Variants in CCSER1 observed in about 807,000 individuals in gnomAD.
The protein encoded by CCSER1 is coiled-coil serine rich protein 1.
CCSER1 carries 41 observed loss-of-function variants against 82.0 expected under a neutral mutation model. The ratio of observed to expected loss-of-function variants is 0.50; its 90% confidence interval spans 0.39 to 0.65. CCSER1 has a LOEUF of 0.65. Among genes scored for constraint, CCSER1 ranks in the 30% least tolerant of loss-of-function variants. The pLI, the probability that CCSER1 is intolerant of heterozygous loss-of-function variation, is 0.00. For synonymous variants in CCSER1, 414 were observed against 383.9 expected, an observed-to-expected ratio of 1.08 and a Z score of -0.92; for missense variants, 1,119 against 1,064.2, an observed-to-expected ratio of 1.05 and a Z score of -0.72.
At chr4:90,725,953 A>G (rs1743559793) in intron 7 of CCSER1, among the ~76,000 whole-genome samples, 1 of 151,954 alleles carries the variant, frequency 6.6e-6, no homozygotes, top group Non-Finnish European at 1.5e-5. Flanking sequence ...ATGATATTTC[A>G]TGTTAGTATT....
intron 4 of CCSER1, among the ~76,000 whole-genome samples, chr4:90,438,745 T>C (rs1759412779): frequency 6.6e-6 from 1 of 151,858 alleles, no homozygotes; most frequent in Non-Finnish European, 1.5e-5. Context: ...GATGATGTCA[T>C]TAAAGAATTT....
intron 5 of CCSER1, among the ~76,000 whole-genome samples, chr4:90,568,347 C>T (rs1387236579): frequency 6.6e-6 from 1 of 152,126 alleles, no homozygotes; most frequent in Non-Finnish European, 1.5e-5. Context: ...AATTGCTATG[C>T]TGTTGGGTGC....
chr4:91,225,268 A>G (rs1738062386), intron 10 of CCSER1, among the ~76,000 whole-genome samples: 1 of 133,604 alleles, frequency 7.5e-6, no homozygotes, highest in African/African-American at 2.9e-5. Flanking sequence ...GTATATAATT[A>G]TATACATTTT....
At chr4:90,448,509 A>G (rs1761010008) in intron 4 of CCSER1, among the ~76,000 whole-genome samples, 2 of 107,582 alleles carry the variant, frequency 1.9e-5, no homozygotes, top group African/African-American at 6.4e-5. Context: ...ATTGTTTTCT[A>G]CTTCTGTAGT....
At chr4:90,858,688 A>G (rs1052849451) in intron 8 of CCSER1, among the ~76,000 whole-genome samples, 10 of 151,944 alleles carry the variant, frequency 6.6e-5, no homozygotes, top group Non-Finnish European at 1.5e-4. Flanking sequence ...TACCACGTCT[A>G]TGGTCACAGA....
chr4:91,148,374 G>A (rs546406149), intron 10 of CCSER1, among the ~76,000 whole-genome samples: 258 of 151,740 alleles, frequency 1.7e-3, no homozygotes, highest in Middle Eastern at 3.2e-3. Context: ...TGAGACAAAC[G>A]GACTTGATTC....
chr4:90,362,476 C>G (rs4693238), intron 3 of CCSER1, among the ~76,000 whole-genome samples: 31,915 of 152,106 alleles, frequency 0.21, 3,702 homozygotes, highest in South Asian at 0.34. Context: ...TACATAAATT[C>G]TTTCCTTTAG....
intron 9 of CCSER1, among the ~76,000 whole-genome samples, chr4:90,950,521 C>T (rs1171292219): frequency 6.7e-6 from 1 of 150,096 alleles, no homozygotes; most frequent in African/African-American, 2.4e-5. Context: ...CACACGTGCA[C>T]GCGTGCACAC....
intron 1 of CCSER1, among the ~76,000 whole-genome samples, chr4:90,230,716 G>T (rs1318657659): frequency 2.7e-5 from 4 of 150,702 alleles, no homozygotes; most frequent in African/African-American, 9.7e-5. Context: ...AAAATTGATA[G>T]ACCGCTAGCA....
chr4:90,396,596 TTCA>T (rs1386868639), intron 3 of CCSER1, among the ~76,000 whole-genome samples: 2 of 152,170 alleles, frequency 1.3e-5, no homozygotes, highest in Non-Finnish European at 2.9e-5. Context: ...AAAGCTAACC[TTCA>T]ACAGTCTCAA....
At chr4:90,143,835 T>C (rs189288909) in intron 1 of CCSER1, among the ~76,000 whole-genome samples, 156 of 151,180 alleles carry the variant, frequency 1.0e-3, no homozygotes, top group Admixed American at 5.2e-3. Flanking sequence ...CAGGCATGTG[T>C]CACCATACCC....
chr4:90,324,990 G>A (rs1486604905), intron 3 of CCSER1, among the ~76,000 whole-genome samples: 4 of 152,060 alleles, frequency 2.6e-5, no homozygotes, highest in Non-Finnish European at 1.5e-5. Flanking sequence ...TATATACGTG[G>A]CGTTATTTCT....
chr4:91,365,309 A>G (rs968864145), intron 10 of CCSER1, among the ~76,000 whole-genome samples: 2 of 152,186 alleles, frequency 1.3e-5, no homozygotes, highest in Non-Finnish European at 2.9e-5. Flanking sequence ...TAAGCAGACT[A>G]GTAGTTAAGT....
intron 10 of CCSER1, among the ~76,000 whole-genome samples, chr4:91,411,320 G>T (rs1007061070): frequency 6.6e-6 from 1 of 150,930 alleles, no homozygotes; most frequent in Non-Finnish European, 1.5e-5. Flanking sequence ...TAGAATTTTT[G>T]ATAAGAATTT....
At chr4:90,690,739 A>T (rs1353704954) in intron 6 of CCSER1, among the ~76,000 whole-genome samples, 1 of 151,832 alleles carries the variant, frequency 6.6e-6, no homozygotes, top group Admixed American at 6.6e-5. Flanking sequence ...TGCCTCCTTA[A>T]TTTTTTTTAT....
chr4:90,155,035 T>A (rs906751157), intron 1 of CCSER1, among the ~76,000 whole-genome samples: 1 of 152,210 alleles, frequency 6.6e-6, no homozygotes, highest in African/African-American at 2.4e-5. Context: ...ATAGCTCTTA[T>A]TATTTTGAGA....
chr4:90,187,081 A>AT (rs1427349016), intron 1 of CCSER1, among the ~76,000 whole-genome samples: 1 of 151,930 alleles, frequency 6.6e-6, no homozygotes, highest in African/African-American at 2.4e-5. Context: ...AAATGTTTGC[A>AT]TTTTAAAAGG....
intron 10 of CCSER1, among the ~76,000 whole-genome samples, chr4:91,476,171 A>G (rs549933635): frequency 6.6e-6 from 1 of 151,874 alleles, no homozygotes; most frequent in East Asian, 1.9e-4. Context: ...TGGGATGGGT[A>G]GATTATATGG....
chr4:90,720,442 A>T (rs541832643), intron 6 of CCSER1, among the ~76,000 whole-genome samples: 1 of 152,158 alleles, frequency 6.6e-6, no homozygotes, highest in East Asian at 1.9e-4. Context: ...AGATTCTTTC[A>T]TTTTCATGGA....
Sources: allele counts gnomAD v4.1 joint callset (sites outside exome capture counted in the v4.1 genomes callset), GRCh38; gene constraint gnomAD v4.1.1; transcripts MANE v1.5; gene names NCBI Gene and HGNC (gene_info 2026-07-23, HGNC 2026-07-21).